The following HIPK2 variants were observed in gnomAD, a reference collection of about 807,000 sequenced individuals.
HIPK2 encodes the protein homeodomain interacting protein kinase 2.
In HIPK2, 27 loss-of-function variants were observed where a neutral mutation model predicts 113.7. The observed-to-expected ratio is 0.24, with a 90% CI of 0.17 to 0.33. The LOEUF (loss-of-function observed/expected upper bound fraction) is 0.33, where lower values mean the gene tolerates loss of function less well. Among genes scored for constraint, HIPK2 ranks in the 10% least tolerant of loss-of-function variants. The pLI, the probability that HIPK2 is intolerant of heterozygous loss-of-function variation, is 1.00. For synonymous variants in HIPK2, 631 were observed against 642.2 expected (o/e 0.98, Z 0.26); for missense variants, 1,257 against 1,588.0 (o/e 0.79, Z 3.54).
intron 1 of HIPK2, among the ~76,000 whole-genome samples, chr7:139,724,272 C>T (rs566531122): frequency 7.2e-4 from 110 of 152,248 alleles, no homozygotes; most frequent in African/African-American, 2.6e-3. Context: ...AAGTTTCCTT[C>T]ATTGACATAC....
intron 1 of HIPK2, among the ~76,000 whole-genome samples, chr7:139,748,259 G>A (rs896704920): frequency 3.3e-5 from 5 of 152,060 alleles, no homozygotes; most frequent in African/African-American, 4.8e-5. Flanking sequence ...CCCACGCTCC[G>A]ATGGAAACTT....
intron 2 of HIPK2, among the ~76,000 whole-genome samples, chr7:139,641,536 T>G (rs1303146856): frequency 2.6e-5 from 4 of 152,190 alleles, no homozygotes; most frequent in Admixed American, 1.3e-4. Context: ...GCCATGCGCT[T>G]GGGCTGCTTG....
chr7:139,581,659 T>C (rs947516677), intron 13 of HIPK2, among the ~76,000 whole-genome samples: 2 of 152,206 alleles, frequency 1.3e-5, no homozygotes, highest in Non-Finnish European at 2.9e-5. Context: ...TAACTGGCTG[T>C]ACCTTGGCCT....
intron 2 of HIPK2, among the ~76,000 whole-genome samples, chr7:139,694,442 T>A (rs974299479): frequency 3.3e-5 from 5 of 152,138 alleles, no homozygotes; most frequent in Non-Finnish European, 7.3e-5. Context: ...AGGTGTCTCC[T>A]CCCAAGGCAG....
chr7:139,726,379 A>G (rs1795575092), intron 1 of HIPK2, among the ~76,000 whole-genome samples: 2 of 152,214 alleles, frequency 1.3e-5, no homozygotes. Flanking sequence ...ACATGCTGAC[A>G]GATGAGATGT....
rs147322257 is a variant in HIPK2, at chr7:139,586,399, C to T, written c.2718-2335G>A. Among the ~76,000 whole-genome samples the T allele has an allele frequency of 5.0e-3, 755 of 152,226 alleles. 7 individuals carry two copies. The highest frequency in any genetic ancestry group is 0.017 in the African/African-American group (706 of 41,518). ...TATTCAAAATACCAAGAGGTAGAAA[C>T]GACCCGAGTGTCCATCAGCTGGTGA... On this transcript the variant is annotated intron_variant, in intron 12 of 14. Transcript: ENST00000406875.
At chr7:139,614,879 G>A (rs1329468485) in intron 7 of HIPK2, among the ~76,000 whole-genome samples, 4 of 152,240 alleles carry the variant, frequency 2.6e-5, no homozygotes, top group African/African-American at 4.8e-5. Flanking sequence ...CAATAACCGG[G>A]AAGACCAGGC....
At chr7:139,740,920 G>A (rs1443857143) in intron 1 of HIPK2, among the ~76,000 whole-genome samples, 1 of 152,214 alleles carries the variant, frequency 6.6e-6, no homozygotes, top group South Asian at 2.1e-4. Context: ...GCTGAGATGG[G>A]CGGATCACTT....
chr7:139,729,821 C>T (rs780016867), intron 1 of HIPK2, among the ~76,000 whole-genome samples: 3 of 152,136 alleles, frequency 2.0e-5, no homozygotes, highest in African/African-American at 4.8e-5. Context: ...TAAATAAGGA[C>T]GGTTAAAGTT....
intron 13 of HIPK2, among the ~76,000 whole-genome samples, chr7:139,583,128 G>A (rs539056629): frequency 2.0e-5 from 3 of 152,372 alleles, no homozygotes; most frequent in East Asian, 1.9e-4. Context: ...ACTTCTTCTG[G>A]TTTAGTCCCC....
chr7:139,656,259 G>T (rs1354501866), intron 2 of HIPK2, among the ~76,000 whole-genome samples: 1 of 151,980 alleles, frequency 6.6e-6, no homozygotes, highest in Non-Finnish European at 1.5e-5. Flanking sequence ...TCTCTAATTG[G>T]ATGCCTCAAA....
At chr7:139,769,242 C>G (rs1796608134) in intron 1 of HIPK2, among the ~76,000 whole-genome samples, 1 of 151,840 alleles carries the variant, frequency 6.6e-6, no homozygotes, top group South Asian at 2.1e-4. Context: ...GCCCCAACTC[C>G]ACGGCCGCAG....
At position 139,628,223 on chromosome 7, in the gene HIPK2, A is replaced by G. The variant is rs545770152; in HGVS notation, c.1434+730T>C. Among the ~76,000 whole-genome samples the G allele has an allele frequency of 4.6e-5, 7 of 152,328 alleles. No individual in the cohort carries two copies. The East Asian group carries it at 5.8e-4, about 13-fold the overall frequency. ...GTGAACATGGGCCTGCTGAAGCCCA[A>G]CTTCCAATTTCTGGCCTCCAGAACT... On this transcript the variant is annotated intron_variant, in intron 5 of 14. Transcript: ENST00000406875.
chr7:139,739,054 C>T (rs1796024651), intron 1 of HIPK2, among the ~76,000 whole-genome samples: 1 of 152,162 alleles, frequency 6.6e-6, no homozygotes, highest in African/African-American at 2.4e-5. Flanking sequence ...TCCATCTGAC[C>T]TCTAGCCTGT....
At chr7:139,753,359 G>A (rs1796311385) in intron 1 of HIPK2, among the ~76,000 whole-genome samples, 1 of 152,220 alleles carries the variant, frequency 6.6e-6, no homozygotes, top group Non-Finnish European at 1.5e-5. Context: ...GAGGGGACCA[G>A]CAACCACGGG....
Position 139,566,859 on chromosome 7 carries a change from G to T in HIPK2, c.*6068C>A, listed in dbSNP as rs1447828004. 2 of 152,288 alleles carry T rather than the reference G, an allele frequency of 1.3e-5. No homozygotes were observed. The highest frequency in any genetic ancestry group is 4.8e-5 in the African/African-American group (2 of 41,464). The allele number at this position is 152,288 out of a possible 1,614,324, so 9.4% of individuals were successfully genotyped here. A position where few individuals can be genotyped will look rare whatever the true frequency, so the allele number is the denominator to read the frequency against. ...AGATGAGGGGCTCCCAGAGGCTTGGGCAAGTCCAGCGGGGGGCATCGGGAA... is the reference window on the plus strand; with the variant it reads ...AGATGAGGGGCTCCCAGAGGCTTGGTCAAGTCCAGCGGGGGGCATCGGGAA... On this transcript the variant is annotated 3_prime_UTR_variant, in exon 15 of 15. Transcript: ENST00000406875. The surrounding 1 kb of genome is among the most constrained non-coding windows in gnomAD (Gnocchi z 4.1).
chr7:139,661,390 T>C (rs1260071744), intron 2 of HIPK2, among the ~76,000 whole-genome samples: 1 of 152,214 alleles, frequency 6.6e-6, no homozygotes, highest in Non-Finnish European at 1.5e-5. Flanking sequence ...GTATGCCCAC[T>C]GGAGAAGTGC....
intron 2 of HIPK2, among the ~76,000 whole-genome samples, chr7:139,696,377 A>C (rs1483780149): frequency 1.2e-4 from 18 of 152,178 alleles, no homozygotes; most frequent in African/African-American, 4.3e-4. Flanking sequence ...GTTTGAGACA[A>C]GTCTGGGCAT....
intron 1 of HIPK2, among the ~76,000 whole-genome samples, chr7:139,726,842 T>G (rs1252244152): frequency 1.3e-5 from 2 of 152,092 alleles, no homozygotes; most frequent in Non-Finnish European, 2.9e-5. Context: ...AAGGCCAGAA[T>G]GAGAAATAGC....
Sources: allele counts gnomAD v4.1 joint callset (sites outside exome capture counted in the v4.1 genomes callset), GRCh38; gene constraint gnomAD v4.1.1; non-coding constraint Gnocchi (gnomAD v3.1); transcripts MANE v1.5; gene names NCBI Gene and HGNC (gene_info 2026-07-23, HGNC 2026-07-21).